Variants in LRRK2 observed in about 807,000 individuals in gnomAD.
LRRK2 encodes the protein leucine-rich repeat serine/threonine-protein kinase 2.
In LRRK2, 203 loss-of-function variants were observed where a neutral mutation model predicts 302.6. That is an observed-to-expected ratio of 0.67 (90% CI 0.60 to 0.75). The LOEUF (loss-of-function observed/expected upper bound fraction) is 0.75. Among genes scored for constraint, LRRK2 ranks in the 30% least tolerant of loss-of-function variants. The pLI, the probability that LRRK2 is intolerant of heterozygous loss-of-function variation, is 0.00. For missense variants in LRRK2, 2,830 were observed against 2,951.0 expected, an observed-to-expected ratio of 0.96 and a Z score of 0.95; for synonymous variants, 1,066 against 1,031.9, an observed-to-expected ratio of 1.03 and a Z score of -0.63.
intron 34 of LRRK2, 56 bp downstream of exon 34, chr12:40,320,231 TA>T: frequency 9.8e-6 from 14 of 1,423,646 alleles, no homozygotes; most frequent in Non-Finnish European, 1.4e-5. Context: ...TCTATTCTTT[TA>T]ATTGTCAAAC....
At chr12:40,281,062 C>T (rs1232424127) in intron 18 of LRRK2, among the ~76,000 whole-genome samples, 11 of 114,210 alleles carry the variant, frequency 9.6e-5, no homozygotes, top group African/African-American at 3.0e-4. Context: ...AGTGAGACTC[C>T]GTCTCAAAAA....
chr12:40,320,295 G>C, intron 34 of LRRK2, 120 bp downstream of exon 34: 1 of 782,208 alleles, frequency 1.3e-6, no homozygotes, highest in Non-Finnish European at 2.0e-6. Context: ...TTTGCTTCTA[G>C]TGTAAACCTC....
intron 40 of LRRK2, among the ~76,000 whole-genome samples, chr12:40,339,249 A>T (rs1945965210): frequency 6.6e-6 from 1 of 152,196 alleles, no homozygotes; most frequent in Non-Finnish European, 1.5e-5. Context: ...ATTTAACTCC[A>T]TTAAGTCTTG....
chr12:40,351,531 T>C lies in LRRK2; in HGVS notation c.6382-8T>C, dbSNP rs199695835. The C allele has an allele frequency of 1.4e-5, 23 of 1,613,812 alleles. No individual in the cohort carries two copies. The highest frequency in any genetic ancestry group is 1.6e-4 in the Middle Eastern group (1 of 6,084). ...AAGTACTGTTTTGTTATCTTTAAAC[T>C]TTCTCAGGTCTTTGACATTTTGAAT... On this transcript the variant is annotated splice_polypyrimidine_tract_variant and splice_region_variant and intron_variant, in intron 43 of 50. Coordinates refer to ENST00000298910, the MANE Select transcript of LRRK2 (RefSeq NM_198578.4).
Position 40,302,852 on chromosome 12 carries a change from G to C in LRRK2, c.3560G>C (p.Cys1187Ser), listed in dbSNP as rs1226388111. Residue 1187 changes from cysteine (C) to serine (S), a missense_variant, in exon 26 of 51, where the codon TGT (cysteine) becomes TCT (serine). Around this residue, in one of 3 missense-constraint regions of LRRK2, gnomAD observed 2,121 missense variants for 2,148.0 expected, o/e 0.99. Transcript: ENST00000298910. ...AAATTATCTCAGAACAAATTTTCCT[G>C]TATTCCAGAAGCAATTTTAAATCTT... is the stretch of plus-strand genomic sequence containing the variant. ...ILKLSQNKFS[C>S]IPEAILNLPH... 1 of 1,608,692 alleles carries C rather than the reference G, an allele frequency of 6.2e-7. No homozygotes were observed.
At chr12:40,289,114 A>C (rs1944043388) in intron 20 of LRRK2, among the ~76,000 whole-genome samples, 1 of 151,778 alleles carries the variant, frequency 6.6e-6, no homozygotes. Context: ...GTTGACATTT[A>C]TTTCTTTCTG....
intron 33 of LRRK2, among the ~76,000 whole-genome samples, chr12:40,319,583 A>G (rs1378455863): frequency 2.0e-5 from 3 of 151,948 alleles, no homozygotes. Context: ...CTAGTATATA[A>G]ATGTGAAGTA....
intron 2 of LRRK2, among the ~76,000 whole-genome samples, chr12:40,232,056 T>A (rs1041959591): frequency 1.2e-4 from 18 of 152,180 alleles, no homozygotes; most frequent in Admixed American, 3.3e-4. Context: ...ATTTTTTGTA[T>A]GTCTTTCTGG....
At chr12:40,329,784 G>C (rs758152199) in intron 39 of LRRK2, among the ~76,000 whole-genome samples, 1 of 152,102 alleles carries the variant, frequency 6.6e-6, no homozygotes, top group African/African-American at 2.4e-5. Context: ...AGGTTGACCA[G>C]GCTGGTCTGG....
chr12:40,301,771 A>G (rs1304164726), intron 25 of LRRK2, among the ~76,000 whole-genome samples: 1 of 152,180 alleles, frequency 6.6e-6, no homozygotes, highest in Non-Finnish European at 1.5e-5. Context: ...CATCTGATCT[A>G]GCTACACTCT....
intron 25 of LRRK2, among the ~76,000 whole-genome samples, chr12:40,300,106 T>A (rs925760333): frequency 5.3e-5 from 8 of 152,296 alleles, no homozygotes; most frequent in African/African-American, 1.9e-4. Context: ...CTTCAGCAAC[T>A]TTTTGTATGA....
At chr12:40,321,996 C>T (rs200416480) in intron 35 of LRRK2, 39 bp from the exon 36 acceptor site, 7 of 1,609,898 alleles carry the variant, frequency 4.3e-6, no homozygotes, top group Non-Finnish European at 5.9e-6. Context: ...TTCCCTTTAA[C>T]TTAGGAAGCA....
chr12:40,271,425 G>C (rs7308193), intron 14 of LRRK2, among the ~76,000 whole-genome samples: 107,217 of 152,040 alleles, frequency 0.71, 38,068 homozygotes, highest in African/African-American at 0.76. Flanking sequence ...GGCTAGCTCA[G>C]TCATTGGAGA....
Position 40,368,149 on chromosome 12 carries a change from C to T in LRRK2, c.*384C>T, listed in dbSNP as rs3886747. 0.62 allele frequency: 98,116 copies of T among 158,788 alleles called. 30,704 individuals carry two copies. Among genetic ancestry groups the T allele is most frequent in the Non-Finnish European group, 0.67 (48,458 of 72,504 alleles). 9.8% of individuals were successfully genotyped at this position (158,788 alleles called of 1,614,324 possible). On this transcript the variant is annotated 3_prime_UTR_variant, in exon 51 of 51. Transcript: ENST00000298910. Reference sequence around the variant, plus strand: ...TGCTTAAGACAGGACTATTGCTTGTCGATTTTTCTAGAAATCTGCACGGTA... The same window carrying T: ...TGCTTAAGACAGGACTATTGCTTGTTGATTTTTCTAGAAATCTGCACGGTA...
In LRRK2 at chr12:40,299,193, A is replaced by G. The variant is rs201121016; in HGVS notation, c.3432A>G (p.Leu1144=). ...LNLSKNHISS[L]SENFLEACPK... is the part of the protein sequence containing the mutation. ...TTAGTAAGAACCACATTTCATCCCT[A>G]TCAGAGAACTTTCTTGAGGCTTGTC... The change falls in exon 25 of 51, where the codon CTA becomes CTG. Residue 1144 remains leucine (L), a synonymous_variant. Coordinates refer to ENST00000298910, the MANE Select transcript of LRRK2 (RefSeq NM_198578.4). The G allele has an allele frequency of 4.3e-6, 7 of 1,613,678 alleles. No individual in the cohort carries two copies. Among genetic ancestry groups the G allele is most frequent in the Admixed American group, 1.7e-5 (1 of 59,952 alleles).
chr12:40,249,102 G>T (rs1259351090), intron 7 of LRRK2, among the ~76,000 whole-genome samples: 1 of 152,124 alleles, frequency 6.6e-6, no homozygotes, highest in African/African-American at 2.4e-5. Flanking sequence ...ACTTATAGAT[G>T]AATAGGAGTT....
rs778903988 is a variant in LRRK2, at chr12:40,321,223, A to C, written c.5170+35A>C. On this transcript the variant is annotated intron_variant, in intron 35 of 50. Transcript: ENST00000298910. ...TAATGAAGACTTATTAGATTTTTAG[A>C]GACTATTAATTTAGACTTATTAATT... The C allele has an allele frequency of 3.2e-6, 5 of 1,581,208 alleles. No individual in the cohort carries two copies. In the Admixed American group the frequency reaches 8.4e-5, roughly 27 times the overall value.
intron 41 of LRRK2, among the ~76,000 whole-genome samples, chr12:40,344,142 T>C (rs1946127911): frequency 6.6e-6 from 1 of 152,126 alleles, no homozygotes; most frequent in Non-Finnish European, 1.5e-5. Context: ...CTTCGGATTG[T>C]TGCCTAGAGG....
At chr12:40,297,116 C>T (rs1299888594) in intron 23 of LRRK2, among the ~76,000 whole-genome samples, 1 of 152,182 alleles carries the variant, frequency 6.6e-6, no homozygotes, top group Admixed American at 6.5e-5. Context: ...TTCCCAGTGC[C>T]TAGTGAGATC....
Sources: gnomAD v4.1 joint callset for allele counts (sites outside exome capture counted in the v4.1 genomes callset) on GRCh38, gnomAD v4.1.1 for gene constraint, gnomAD v4.1.1 regional missense constraint, MANE v1.5 for transcripts, NCBI Gene and HGNC (gene_info 2026-07-23, HGNC 2026-07-21) for gene names.